The following RLN3 variants were observed in gnomAD, a reference collection of about 807,000 sequenced individuals.
The protein encoded by RLN3 is relaxin 3, also known as relaxin-3.
In RLN3, 13 loss-of-function variants were observed where a neutral mutation model predicts 10.2. That is an observed-to-expected ratio of 1.28 (90% CI 0.83 to 2.03). The LOEUF (loss-of-function observed/expected upper bound fraction) is 2.03. Ranked by LOEUF, RLN3 falls within the 30% of genes most tolerant of loss-of-function variation. RLN3 has a pLI of 0.00. For synonymous variants in RLN3, 56 were observed against 79.2 expected, an observed-to-expected ratio of 0.71 and a Z score of 1.56; for missense variants, 191 against 187.2, an observed-to-expected ratio of 1.02 and a Z score of -0.12.
At chr19:14,029,087 A>T (rs960873361) in intron 1 of RLN3, among the ~76,000 whole-genome samples, 3 of 151,974 alleles carry the variant, frequency 2.0e-5, no homozygotes, top group African/African-American at 7.2e-5. Context: ...CAAATGGGAG[A>T]CACAGTTCCT....
Position 14,028,313 on chromosome 19 carries a change from C to A in RLN3, c.109C>A (p.Arg37=), listed in dbSNP as rs551653570. 6.2e-7 allele frequency: 1 copy of A among 1,613,738 alleles called. No individual in the cohort carries two copies. Among genetic ancestry groups the A allele is most frequent in the Non-Finnish European group, 8.5e-7 (1 of 1,179,990 alleles). The change falls in exon 1 of 2, where the codon CGA becomes AGA. Residue 37 remains arginine (R), a synonymous_variant. Transcript: ENST00000431365. ...GCCTTACGGGGTCAGGCTTTGCGGC[C>A]GAGAATTCATCCGAGCAGTCATCTT... is the stretch of plus-strand genomic sequence containing the variant. ...AAPYGVRLCG[R]EFIRAVIFTC...
chr19:14,029,454 C>T (rs886259039), intron 1 of RLN3, among the ~76,000 whole-genome samples: 3 of 151,536 alleles, frequency 2.0e-5, no homozygotes, highest in East Asian at 1.9e-4. Context: ...TGGGTTCAAG[C>T]GATTCTCGTG....
chr19:14,030,624 A>G, intron 1 of RLN3, 86 bp from the exon 2 acceptor site: 1 of 1,142,534 alleles, frequency 8.8e-7, no homozygotes, highest in Non-Finnish European at 1.3e-6. Context: ...TGTTGTCACA[A>G]GATCAGAGCT....
chr19:14,029,241 T>C (rs1214524023), intron 1 of RLN3, among the ~76,000 whole-genome samples: 1 of 151,824 alleles, frequency 6.6e-6, no homozygotes, highest in Non-Finnish European at 1.5e-5. Context: ...ACCTGGCAAA[T>C]AGATATTCAT....
Position 14,030,944 on chromosome 19 carries a change from G to A in RLN3, c.425G>A (p.Cys142Tyr). 1 of 1,556,570 alleles carries A rather than the reference G, an allele frequency of 6.4e-7. No homozygotes were observed. Among genetic ancestry groups the A allele is most frequent in the Non-Finnish European group, 8.7e-7 (1 of 1,148,992 alleles). The change falls in exon 2 of 2, where the codon TGC (cysteine) becomes TAC (tyrosine). Residue 142 changes from cysteine to tyrosine, a missense_variant. By Grantham distance (194) the Cys-to-Tyr change is radical. Transcript: ENST00000431365. The part of the protein sequence containing the change: ...GCSKSEISSL[C>Y] ...AGCAAAAGTGAAATCAGTAGCCTTT[G>A]CTAGTTTGAGGGCTGGGCAGCCGTG...
Position 14,028,309 on chromosome 19 carries a change from C to G in RLN3, c.105C>G (p.Cys35Trp). 2 of 1,613,814 alleles carry G rather than the reference C, an allele frequency of 1.2e-6. No individual in the cohort carries two copies. Among genetic ancestry groups the G allele is most frequent in the Non-Finnish European group, 1.7e-6 (2 of 1,179,956 alleles). ...ARAAPYGVRL[C>W]GREFIRAVIF... is the part of the protein sequence containing the mutation. ...CAGCGCCTTACGGGGTCAGGCTTTG[C>G]GGCCGAGAATTCATCCGAGCAGTCA... is the stretch of plus-strand genomic sequence containing the variant. Residue 35 changes from cysteine to tryptophan, a missense_variant, in exon 1 of 2, where the codon TGC becomes TGG. Cys to Trp is a radical substitution (Grantham distance 215, BLOSUM62 -2). Coordinates refer to ENST00000431365, the MANE Select transcript of RLN3 (RefSeq NM_080864.4).
At chr19:14,029,842 T>TATTA in intron 1 of RLN3, among the ~76,000 whole-genome samples, 1 of 149,720 alleles carries the variant, frequency 6.7e-6, no homozygotes, top group Non-Finnish European at 1.5e-5. Flanking sequence ...TTATTATTAT[T>TATTA]TTTGAGACAG....
intron 1 of RLN3, among the ~76,000 whole-genome samples, chr19:14,029,801 C>G (rs924880630): frequency 2.7e-5 from 3 of 111,866 alleles, no homozygotes; most frequent in African/African-American, 1.3e-4. Context: ...AGTAAGTGAT[C>G]AATAAATTAT....
rs974812867 is a variant in RLN3, at chr19:14,028,467, A to G, written c.190+73A>G. 5 of 1,377,964 alleles carry G rather than the reference A, an allele frequency of 3.6e-6. No individual in the cohort carries two copies. In the African/African-American group the frequency reaches 5.8e-5, roughly 16 times the overall value. 85.4% of individuals were successfully genotyped at this position (1,377,964 alleles called of 1,614,324 possible). A position where few individuals can be genotyped will look rare whatever the true frequency, so the allele number is the denominator to read the frequency against. On this transcript the variant is annotated intron_variant, in intron 1 of 1. Coordinates refer to ENST00000431365, the MANE Select transcript of RLN3 (RefSeq NM_080864.4). ...TGGGTCCCAGGAGCTAAGGACAGAG[A>G]TAAGAGGAGGTTGCTGGAGGAGGAG...
chr19:14,030,594 C>T, intron 1 of RLN3, 116 bp from the exon 2 acceptor site: 1 of 964,014 alleles, frequency 1.0e-6, no homozygotes, highest in Non-Finnish European at 1.7e-6. Context: ...GGAATAAAAA[C>T]TCTGAACTAT....
Position 14,028,411 on chromosome 19 carries a change from A to G in RLN3, c.190+17A>G, listed in dbSNP as rs200097597. The G allele has an allele frequency of 4.1e-5, 65 of 1,598,162 alleles. No homozygotes were observed. In the East Asian group the frequency reaches 1.4e-3, roughly 35 times the overall value. On this transcript the variant is annotated intron_variant, in intron 1 of 1. Transcript: ENST00000431365. ...AGGCTATGGGTGAGGCTGGGGAGAG[A>G]GTGGATGTAGAAGGGGAACAGGTGG...
rs530244079 is a variant in RLN3, at chr19:14,028,197, C to T, written c.-8C>T. The T allele has an allele frequency of 1.1e-5, 18 of 1,565,984 alleles. No homozygotes were observed. Among genetic ancestry groups the T allele is most frequent in the South Asian group, 5.9e-5 (5 of 84,342 alleles). On this transcript the variant is annotated 5_prime_UTR_variant, in exon 1 of 2. Coordinates refer to ENST00000431365, the MANE Select transcript of RLN3 (RefSeq NM_080864.4). ...CCCACTCTCACGTTCAAAGCATCTC[C>T]GTCCAGCATGGCCAGGTACATGCTG...
rs759390296 is a variant in RLN3 at position 14,028,182 on chromosome 19, C to A, written c.-23C>A. On this transcript the variant is annotated 5_prime_UTR_variant, in exon 1 of 2. Coordinates refer to ENST00000431365, the MANE Select transcript of RLN3 (RefSeq NM_080864.4). ...CAGCAGAGACACTGGCCCACTCTCA[C>A]GTTCAAAGCATCTCCGTCCAGCATG... is the stretch of plus-strand genomic sequence containing the variant. 1 of 1,537,400 alleles carries A rather than the reference C, an allele frequency of 6.5e-7. No homozygotes were observed. The highest frequency in any genetic ancestry group is 8.8e-7 in the Non-Finnish European group (1 of 1,139,326).
At chr19:14,030,352 A>G in intron 1 of RLN3, 1 of 702,716 alleles carries the variant, frequency 1.4e-6, no homozygotes, top group East Asian at 2.7e-5. Context: ...CTCAATTAAT[A>G]AAGAGTAAGG....
chr19:14,030,710 G>GCATCTTTTGC lies in RLN3; in HGVS notation c.191_192insCATCTTTTGC (p.Asp65IlefsTer12). On this transcript the variant is annotated frameshift_variant and splice_region_variant, in exon 2 of 2. Coordinates refer to ENST00000431365, the MANE Select transcript of RLN3 (RefSeq NM_080864.4). LOFTEE classifies it low-confidence loss of function (END_TRUNC). ...CACTAACTCTGTTCATCTTTTGCAG[G>GCATCTTTTGC]AGATACCTTCCCGGATGCAGATGCT... 2 of 1,613,834 alleles carry GCATCTTTTGC rather than the reference G, an allele frequency of 1.2e-6. No homozygotes were observed. The highest frequency in any genetic ancestry group is 1.7e-6 in the Non-Finnish European group (2 of 1,179,680).
intron 1 of RLN3, chr19:14,030,263 C>T: frequency 1.4e-6 from 1 of 702,704 alleles, no homozygotes; most frequent in Non-Finnish European, 2.6e-6. Context: ...ATTGAGGCTC[C>T]AAGAAGTAAA....
intron 1 of RLN3, among the ~76,000 whole-genome samples, chr19:14,029,348 T>C (rs7259906): frequency 5.9e-5 from 9 of 151,370 alleles, no homozygotes; most frequent in African/African-American, 1.7e-4. Context: ...TGTGTTCATG[T>C]GCTACTATTT....
At chr19:14,030,486 C>CTATAA (rs1243219344) in intron 1 of RLN3, 45 of 652,666 alleles carry the variant, frequency 6.9e-5, no homozygotes, top group Non-Finnish European at 1.1e-4. Flanking sequence ...ATGGTGAACC[C>CTATAA]CATCTCTATA....
intron 1 of RLN3, chr19:14,030,096 A>T: frequency 9.7e-6 from 5 of 514,578 alleles, no homozygotes; most frequent in Non-Finnish European, 1.4e-5. Flanking sequence ...TGCTGGGATT[A>T]CAGGTGTGAG....
Sources: allele counts gnomAD v4.1 joint callset (sites outside exome capture counted in the v4.1 genomes callset), GRCh38; gene constraint gnomAD v4.1.1; transcripts MANE v1.5; gene names NCBI Gene and HGNC (gene_info 2026-07-23, HGNC 2026-07-21).